Variants in EVI5 observed in about 807,000 individuals in gnomAD.
The protein encoded by EVI5 is ecotropic viral integration site 5 protein homolog.
A neutral mutation model predicts 112.0 loss-of-function variants in EVI5; 73 were observed. The ratio of observed to expected loss-of-function variants is 0.65; its 90% CI spans 0.54 to 0.79. The LOEUF (loss-of-function observed/expected upper bound fraction) is 0.79. Ranked by LOEUF, EVI5 falls within the 30% of genes least tolerant of loss-of-function variation. The pLI, the probability that EVI5 is intolerant of heterozygous loss-of-function variation, is 0.00. For synonymous variants in EVI5, 305 were observed against 319.9 expected (o/e 0.95, Z 0.50); for missense variants, 900 against 968.8 (o/e 0.93, Z 0.94).
chr1:92,748,114 A>G (rs1359556307), intron 1 of EVI5, among the ~76,000 whole-genome samples: 1 of 152,114 alleles, frequency 6.6e-6, no homozygotes, highest in African/African-American at 2.4e-5. Context: ...CCTATCTCAC[A>G]TCTTCCCATA....
intron 15 of EVI5, among the ~76,000 whole-genome samples, chr1:92,625,277 G>A (rs987978224): frequency 6.6e-6 from 1 of 152,082 alleles, no homozygotes; most frequent in African/African-American, 2.4e-5. Context: ...GCATGACAAT[G>A]TCAAGGCCTA....
chr1:92,736,489 T>C lies in EVI5; in HGVS notation c.58A>G (p.Thr20Ala). The part of the protein sequence containing the change: ...TSLHTTSSST[T>A]LSTPALSPSS... The stretch of plus-strand genomic sequence containing the variant: ...GGTGAAAGGGCTGGTGTTGATAGTG[T>C]GGTAGATGAGGATGTGGTATGTAAT... The change falls in exon 2 of 20, where the codon ACA becomes GCA. Residue 20 changes from threonine to alanine, a missense_variant. Thr to Ala is a moderately conservative substitution (Grantham distance 58). Coordinates refer to ENST00000684568, the MANE Select transcript of EVI5 (RefSeq NM_001350197.2). 1.2e-6 allele frequency: 2 copies of C among 1,613,900 alleles called. No homozygotes were observed. Among genetic ancestry groups the C allele is most frequent in the South Asian group, 1.1e-5 (1 of 91,072 alleles).
At chr1:92,772,235 T>C (rs1339010580) in intron 1 of EVI5, among the ~76,000 whole-genome samples, 1 of 152,096 alleles carries the variant, frequency 6.6e-6, no homozygotes, top group Admixed American at 6.5e-5. Context: ...CAGAGTGGAA[T>C]GTAAAATGGT....
At chr1:92,650,332 A>C (rs771320828) in intron 13 of EVI5, among the ~76,000 whole-genome samples, 4 of 152,188 alleles carry the variant, frequency 2.6e-5, no homozygotes, top group Non-Finnish European at 5.9e-5. Flanking sequence ...TCACTTATTT[A>C]TATCTTCTTT....
intron 2 of EVI5, among the ~76,000 whole-genome samples, chr1:92,725,690 T>G (rs1675460687): frequency 6.7e-6 from 1 of 149,530 alleles, no homozygotes; most frequent in Non-Finnish European, 1.5e-5. Context: ...GCCACTGTAC[T>G]CAAGCCTGGG....
intron 19 of EVI5, among the ~76,000 whole-genome samples, chr1:92,526,469 CTGAAGAGCTGTTAAGCAGTTTAA>C (rs1237991050): frequency 2.6e-5 from 4 of 152,146 alleles, no homozygotes; most frequent in South Asian, 2.1e-4. Context: ...CATGGTAGGT[CTGAAGAGCTGTTAAGCAGTTTAA>C]TGAAGAGCTG....
In EVI5 at chr1:92,512,402, C is replaced by T. The variant is rs1327447459; in HGVS notation, c.*1254G>A. Reference sequence around the variant, plus strand: ...CACATGAAATAAAAGATTCCACCAACAGTGTTTTTGAACAGGCATCAGTTA... The same window carrying T: ...CACATGAAATAAAAGATTCCACCAATAGTGTTTTTGAACAGGCATCAGTTA... On this transcript the variant is annotated 3_prime_UTR_variant, in exon 20 of 20. Transcript: ENST00000684568. 6.6e-6 allele frequency: 1 copy of T among 152,238 alleles called. No individual in the cohort carries two copies. Among genetic ancestry groups the T allele is most frequent in the African/African-American group, 2.4e-5 (1 of 41,460 alleles). 9.4% of individuals were successfully genotyped at this position (152,238 alleles called of 1,614,324 possible). A position where few individuals can be genotyped will look rare whatever the true frequency, so the allele number is the denominator to read the frequency against.
intron 1 of EVI5, among the ~76,000 whole-genome samples, chr1:92,748,152 T>C (rs1679596308): frequency 6.6e-6 from 1 of 152,106 alleles, no homozygotes. Context: ...TCCCCTCCCC[T>C]TGAGCCCAAG....
At chr1:92,722,593 C>T (rs1674938166) in intron 2 of EVI5, among the ~76,000 whole-genome samples, 1 of 151,398 alleles carries the variant, frequency 6.6e-6, no homozygotes, top group Admixed American at 6.6e-5. Context: ...TTTTCTATCA[C>T]ATATCTCCTT....
At chr1:92,534,205 A>G (rs973196344) in intron 19 of EVI5, among the ~76,000 whole-genome samples, 3 of 152,096 alleles carry the variant, frequency 2.0e-5, no homozygotes, top group Admixed American at 2.0e-4. Context: ...AGAAAAAACC[A>G]GGGAATACAA....
At chr1:92,549,353 T>C (rs1252519543) in intron 19 of EVI5, among the ~76,000 whole-genome samples, 1 of 152,096 alleles carries the variant, frequency 6.6e-6, no homozygotes, top group Non-Finnish European at 1.5e-5. Flanking sequence ...TAATTCAAGA[T>C]GAATTAAAGA....
intron 18 of EVI5, among the ~76,000 whole-genome samples, chr1:92,599,935 A>G (rs1648758768): frequency 6.6e-6 from 1 of 152,184 alleles, no homozygotes; most frequent in Non-Finnish European, 1.5e-5. Flanking sequence ...AAGGTAGTCA[A>G]TGAAATTTCT....
At chr1:92,635,684 A>G (rs981964683) in intron 14 of EVI5, among the ~76,000 whole-genome samples, 2 of 152,048 alleles carry the variant, frequency 1.3e-5, no homozygotes, top group Admixed American at 6.5e-5. Context: ...AACAATCCCA[A>G]TGAGATGCAC....
intron 2 of EVI5, among the ~76,000 whole-genome samples, chr1:92,735,965 T>C (rs964317639): frequency 6.6e-6 from 1 of 150,622 alleles, no homozygotes; most frequent in African/African-American, 2.4e-5. Flanking sequence ...CAGAAAACTA[T>C]TCTATTTAAT....
intron 19 of EVI5, among the ~76,000 whole-genome samples, chr1:92,522,129 C>CT (rs1390998865): frequency 4.6e-5 from 7 of 152,294 alleles, no homozygotes; most frequent in Non-Finnish European, 1.0e-4. Flanking sequence ...TCATCATCTG[C>CT]TTAACTGATT....
chr1:92,760,007 C>T (rs1558216962), intron 1 of EVI5, among the ~76,000 whole-genome samples: 1 of 151,944 alleles, frequency 6.6e-6, no homozygotes, highest in African/African-American at 2.4e-5. Flanking sequence ...TCTGGCTAAA[C>T]TATAAAGAGA....
intron 18 of EVI5, among the ~76,000 whole-genome samples, chr1:92,565,547 T>A (rs959151341): frequency 3.9e-5 from 6 of 152,138 alleles, no homozygotes; most frequent in Admixed American, 3.9e-4. Context: ...CCTCCCATAT[T>A]TAAAATCACA....
Position 92,693,828 on chromosome 1 carries a change from G to T in EVI5, c.1071C>A (p.Val357=). 6.3e-7 allele frequency: 1 copy of T among 1,598,274 alleles called. No individual in the cohort carries two copies. The highest frequency in any genetic ancestry group is 1.1e-5 in the South Asian group (1 of 89,870). The change falls in exon 9 of 20, where the codon GTC becomes GTA. Residue 357 remains valine (V), a synonymous_variant. Coordinates refer to ENST00000684568, the MANE Select transcript of EVI5 (RefSeq NM_001350197.2). ...PDKLIQAAYQ[V]KYNSKKMKKL... ...TTTTCATTTTTTTTGAATTGTATTT[G>T]ACTTGGTAAGCTGCTTGGATTAGCT...
intron 1 of EVI5, among the ~76,000 whole-genome samples, chr1:92,783,975 G>A (rs1043033224): frequency 6.6e-6 from 1 of 152,250 alleles, no homozygotes; most frequent in South Asian, 2.1e-4. Flanking sequence ...AGTAAGCACT[G>A]GAATTCATTC....
Sources: gnomAD v4.1 joint callset for allele counts (sites outside exome capture counted in the v4.1 genomes callset) on GRCh38, gnomAD v4.1.1 for gene constraint, MANE v1.5 for transcripts, NCBI Gene and HGNC (gene_info 2026-07-23, HGNC 2026-07-21) for gene names.